DPP10: variants seen among roughly 807,000 people sequenced by gnomAD.
DPP10 encodes inactive dipeptidyl peptidase 10.
DPP10 carries 33 observed loss-of-function variants against 120.9 expected under a neutral mutation model. The observed-to-expected ratio is 0.27, with a 90% CI of 0.21 to 0.37. The LOEUF (loss-of-function observed/expected upper bound fraction) is 0.37, where lower values mean the gene tolerates loss of function less well. DPP10 is among the 10% of genes least tolerant of loss of function. DPP10 has a pLI of 1.00. For missense variants in DPP10, 816 were observed against 942.8 expected (o/e 0.87, Z 1.76); for synonymous variants, 337 against 326.1 (o/e 1.03, Z -0.36).
intron 1 of DPP10, among the ~76,000 whole-genome samples, chr2:115,088,924 C>T (rs1255875200): frequency 6.6e-6 from 1 of 151,858 alleles, no homozygotes; most frequent in African/African-American, 2.4e-5. Context: ...TAATTTTGGC[C>T]TGAATTCCTG....
chr2:114,613,096 T>G (rs1693409087), intron 1 of DPP10, among the ~76,000 whole-genome samples: 1 of 152,190 alleles, frequency 6.6e-6, no homozygotes, highest in African/African-American at 2.4e-5. Context: ...GCACAGTTTC[T>G]GGTACGTATT....
chr2:115,076,295 C>T (rs1707784036), intron 1 of DPP10, among the ~76,000 whole-genome samples: 1 of 151,090 alleles, frequency 6.6e-6, no homozygotes, highest in African/African-American at 2.4e-5. Context: ...CAATTGAGAT[C>T]CTTTTTCTAC....
chr2:115,787,665 A>T (rs1683489672), intron 17 of DPP10, among the ~76,000 whole-genome samples: 1 of 152,176 alleles, frequency 6.6e-6, no homozygotes, highest in African/African-American at 2.4e-5. Flanking sequence ...AAAATATTTG[A>T]TGCAATAACG....
chr2:115,648,836 T>C (rs886821787), intron 5 of DPP10, among the ~76,000 whole-genome samples: 2 of 151,768 alleles, frequency 1.3e-5, no homozygotes, highest in African/African-American at 4.8e-5. Context: ...ATAGGAGTCA[T>C]ATGGAGGATT....
chr2:115,842,363 G>T lies in DPP10; in HGVS notation c.*18G>T, dbSNP rs1690243316. 6.2e-7 allele frequency: 1 copy of T among 1,602,096 alleles called. No homozygotes were observed. Among genetic ancestry groups the T allele is most frequent in the Non-Finnish European group, 8.5e-7 (1 of 1,172,218 alleles). On this transcript the variant is annotated 3_prime_UTR_variant, in exon 26 of 26. Coordinates refer to ENST00000410059, the MANE Select transcript of DPP10 (RefSeq NM_020868.6). ...ATGAATAATGGACTGTATTTATACA[G>T]AACTGAAGGGAATATTGAGGCTCAA...
chr2:114,820,997 T>C (rs920443076), intron 1 of DPP10, among the ~76,000 whole-genome samples: 2 of 152,144 alleles, frequency 1.3e-5, no homozygotes, highest in African/African-American at 2.4e-5. Flanking sequence ...GAGAGTTTAA[T>C]ATGCAAGAAG....
intron 2 of DPP10, among the ~76,000 whole-genome samples, chr2:115,333,563 G>T (rs777735483): frequency 3.3e-5 from 5 of 152,188 alleles, no homozygotes; most frequent in African/African-American, 1.2e-4. Context: ...GGCTGGTACT[G>T]GTTGTTCCTT....
At chr2:114,737,652 A>G (rs1487556580) in intron 1 of DPP10, among the ~76,000 whole-genome samples, 3 of 152,190 alleles carry the variant, frequency 2.0e-5, no homozygotes, top group Admixed American at 6.5e-5. Flanking sequence ...TCACATGGTG[A>G]TCTGAAATCA....
At chr2:115,720,438 A>C (rs1366117738) in intron 7 of DPP10, among the ~76,000 whole-genome samples, 1 of 152,168 alleles carries the variant, frequency 6.6e-6, no homozygotes. Context: ...TCGATGATCC[A>C]TCTAAAAATA....
chr2:115,407,095 C>T (rs1225922103), intron 3 of DPP10, among the ~76,000 whole-genome samples: 1 of 152,142 alleles, frequency 6.6e-6, no homozygotes, highest in East Asian at 1.9e-4. Flanking sequence ...AATCCCAGGT[C>T]ACCACCCAGG....
intron 5 of DPP10, among the ~76,000 whole-genome samples, chr2:115,651,324 C>A (rs1360268822): frequency 6.6e-6 from 1 of 151,888 alleles, no homozygotes; most frequent in African/African-American, 2.4e-5. Context: ...AATTAATGAA[C>A]CTGAAAAAAT....
At chr2:114,585,525 G>T (rs1690893044) in intron 1 of DPP10, among the ~76,000 whole-genome samples, 1 of 152,114 alleles carries the variant, frequency 6.6e-6, no homozygotes, top group Admixed American at 6.5e-5. Flanking sequence ...TAATTGAATA[G>T]TTGGGAGTAG....
chr2:114,941,984 G>C (rs796611224), intron 1 of DPP10, among the ~76,000 whole-genome samples: 22 of 151,998 alleles, frequency 1.4e-4, no homozygotes, highest in African/African-American at 5.3e-4. Flanking sequence ...CAAAAAGTAT[G>C]ATATGTTGGC....
intron 1 of DPP10, among the ~76,000 whole-genome samples, chr2:114,913,215 C>T (rs1694509868): frequency 6.6e-6 from 1 of 152,164 alleles, no homozygotes; most frequent in Non-Finnish European, 1.5e-5. Context: ...AGCTAGTACC[C>T]ATGCACAGCC....
chr2:115,750,971 A>C (rs1169390614), intron 10 of DPP10, among the ~76,000 whole-genome samples: 1 of 152,156 alleles, frequency 6.6e-6, no homozygotes, highest in Non-Finnish European at 1.5e-5. Flanking sequence ...CTCATATTGC[A>C]CAAAATATAA....
At chr2:114,567,441 GGA>G (rs1558888312) in intron 1 of DPP10, among the ~76,000 whole-genome samples, 1 of 152,086 alleles carries the variant, frequency 6.6e-6, no homozygotes, top group Admixed American at 6.6e-5. Flanking sequence ...GTTTTAAGAG[GGA>G]GGCAAGAAGT....
chr2:115,015,083 A>T (rs1312420426), intron 1 of DPP10, among the ~76,000 whole-genome samples: 1 of 152,176 alleles, frequency 6.6e-6, no homozygotes, highest in African/African-American at 2.4e-5. Context: ...CCTGATGAAC[A>T]TCGATGCGAA....
intron 1 of DPP10, among the ~76,000 whole-genome samples, chr2:115,142,417 CAT>C (rs1018494118): frequency 8.5e-5 from 13 of 152,132 alleles, no homozygotes; most frequent in African/African-American, 1.2e-4. Flanking sequence ...AATGTGCGCT[CAT>C]AGATAGCATG....
rs1029239823 is a variant in DPP10, at chr2:114,442,691, C to A, written c.-88C>A. 4.1e-6 allele frequency: 6 copies of A among 1,467,128 alleles called. No homozygotes were observed. Among genetic ancestry groups the A allele is most frequent in the Admixed American group, 3.6e-5 (2 of 55,422 alleles). The allele number at this position is 1,467,128 out of a possible 1,614,324, so 90.9% of individuals were successfully genotyped here. ...GCAGCGGCAGCAGCAACAGCAGCAGCCCCTACTGAAGTCCAATAGAGGAGA... is the reference window on the plus strand; with the variant it reads ...GCAGCGGCAGCAGCAACAGCAGCAGACCCTACTGAAGTCCAATAGAGGAGA... On this transcript the variant is annotated 5_prime_UTR_variant, in exon 1 of 26. Transcript: ENST00000410059.
Sources: allele counts gnomAD v4.1 joint callset (sites outside exome capture counted in the v4.1 genomes callset), GRCh38; gene constraint gnomAD v4.1.1; transcripts MANE v1.5; gene names NCBI Gene and HGNC (gene_info 2026-07-23, HGNC 2026-07-21).